The following ENOX2 variants were observed in gnomAD, a reference collection of about 807,000 sequenced individuals.
ENOX2 encodes the protein APK1 antigen.
In ENOX2, 36 loss-of-function variants were observed where a neutral mutation model predicts 45.0. The observed-to-expected ratio is 0.80, with a 90% confidence interval of 0.61 to 1.06. The LOEUF is 1.06. Ranked by LOEUF, ENOX2 falls within the 50% of genes least tolerant of loss-of-function variation. The pLI is 0.00. For synonymous variants in ENOX2, 174 were observed against 152.3 expected (o/e 1.14, Z -1.05); for missense variants, 423 against 462.5 (o/e 0.91, Z 0.78).
chrX:130,903,101 G>T lies in ENOX2; in HGVS notation c.-283C>A, dbSNP rs1426640718. 8.9e-6 allele frequency: 1 copy of T among 112,521 alleles called. No homozygotes were observed. 9.3% of individuals were successfully genotyped at this position (112,521 alleles called of 1,213,427 possible). A position where few individuals can be genotyped will look rare whatever the true frequency, so the allele number is the denominator to read the frequency against. ...AGTCCTTATACAGCCGCGGAAAATC[G>T]GGCCGGCGCGGCAGTTCCTGGGCTC... On this transcript the variant is annotated 5_prime_UTR_variant, in exon 1 of 15. Coordinates refer to ENST00000394363, the MANE Select transcript of ENOX2 (RefSeq NM_006375.4).
chrX:130,641,718 CAAAAAAAAA>C (rs753792308), intron 10 of ENOX2, among the ~76,000 whole-genome samples: 1 of 34,717 alleles, frequency 2.9e-5, no homozygotes, highest in African/African-American at 1.2e-4. Context: ...ACTCCATCTC[CAAAAAAAAA>C]AAAAAAAAAA....
At position 130,785,359 on chromosome X, in the gene ENOX2, A is replaced by G. The variant is rs939484720; in HGVS notation, c.-182-1669T>C. Among the ~76,000 whole-genome samples, 111 of 110,115 alleles carry G rather than the reference A, an allele frequency of 1.0e-3. 2 individuals carry two copies. Among genetic ancestry groups the G allele is most frequent in the Non-Finnish European group, 2.1e-4 (11 of 52,728 alleles). ...AAAAAAAAAGAAATGACATTAAATT[A>G]TTATTTATAATAAAGAGTATCCTCT... On this transcript the variant is annotated intron_variant, in intron 2 of 14. Coordinates refer to ENST00000394363, the MANE Select transcript of ENOX2 (RefSeq NM_006375.4).
chrX:130,780,819 T>G (rs73555131), intron 3 of ENOX2, among the ~76,000 whole-genome samples: 2,344 of 111,034 alleles, frequency 0.021, 65 homozygotes, highest in African/African-American at 0.074. Context: ...CAAATATCCC[T>G]CCCTCGTTTG....
chrX:130,674,752 A>C (rs1171490871), intron 6 of ENOX2, among the ~76,000 whole-genome samples: 3 of 101,930 alleles, frequency 2.9e-5, no homozygotes, highest in Non-Finnish European at 6.0e-5. Context: ...ATATCTCCTA[A>C]TGCTATCCCT....
At chrX:130,690,596 GACTTACTCCCAA>G (rs1389873403) in intron 4 of ENOX2, among the ~76,000 whole-genome samples, 1 of 112,195 alleles carries the variant, frequency 8.9e-6, no homozygotes, top group South Asian at 3.7e-4. Context: ...GCAGTAGCAG[GACTTACTCCCAA>G]AGACTTCACC....
chrX:130,867,105 A>G (rs1452371990), intron 2 of ENOX2, among the ~76,000 whole-genome samples: 3 of 111,903 alleles, frequency 2.7e-5, no homozygotes, highest in Non-Finnish European at 5.6e-5. Flanking sequence ...ATTTTCTAAA[A>G]CAAATTAAAA....
In ENOX2 at chrX:130,631,463, C is replaced by T. The variant is rs774753321; in HGVS notation, c.1528+5G>A. 9.1e-7 allele frequency: 1 copy of T among 1,098,843 alleles called. No homozygotes were observed. The highest frequency in any genetic ancestry group is 1.8e-5 in the African/African-American group (1 of 54,985). The allele number at this position is 1,098,843 out of a possible 1,213,427, so 90.6% of individuals were successfully genotyped here. A position where few individuals can be genotyped will look rare whatever the true frequency, so the allele number is the denominator to read the frequency against. Reference sequence around the variant, plus strand: ...TACGTGGCATGTGTGCATTAGCTTCCTTACCCACTAGCAGTGCTTCACGTT... The same window carrying T: ...TACGTGGCATGTGTGCATTAGCTTCTTTACCCACTAGCAGTGCTTCACGTT... On this transcript the variant is annotated splice_donor_5th_base_variant and intron_variant, in intron 13 of 14. Coordinates refer to ENST00000394363, the MANE Select transcript of ENOX2 (RefSeq NM_006375.4).
chrX:130,762,941 T>C, intron 3 of ENOX2, among the ~76,000 whole-genome samples: 1 of 111,730 alleles, frequency 9.0e-6, no homozygotes, highest in Non-Finnish European at 1.9e-5. Flanking sequence ...TTAACTATAG[T>C]TATGGATTTG....
intron 3 of ENOX2, among the ~76,000 whole-genome samples, chrX:130,748,368 T>C (rs939892221): frequency 8.9e-6 from 1 of 112,147 alleles, no homozygotes; most frequent in Non-Finnish European, 1.9e-5. Context: ...GTAATACAGG[T>C]TACACAGAGC....
chrX:130,746,649 A>G (rs1257336157), intron 3 of ENOX2, among the ~76,000 whole-genome samples: 1 of 112,146 alleles, frequency 8.9e-6, no homozygotes, highest in Non-Finnish European at 1.9e-5. Flanking sequence ...CCCTACCACA[A>G]AGGAAAGCAG....
chrX:130,862,574 TGTGA>T (rs1379999744), intron 2 of ENOX2, among the ~76,000 whole-genome samples: 3 of 109,795 alleles, frequency 2.7e-5, no homozygotes, highest in Non-Finnish European at 5.7e-5. Context: ...TGAGTATGTG[TGTGA>T]GAGGGGTGGG....
chrX:130,786,493 G>A (rs1447385424), intron 2 of ENOX2, among the ~76,000 whole-genome samples: 4 of 96,417 alleles, frequency 4.1e-5, no homozygotes, highest in African/African-American at 7.6e-5. Context: ...ATGCTGGTGC[G>A]CTGCACCCAC....
intron 10 of ENOX2, chrX:130,646,279 A>G: frequency 2.6e-6 from 1 of 387,047 alleles, no homozygotes; most frequent in South Asian, 3.2e-5. Flanking sequence ...CTGGGACCCC[A>G]TAGCAAAGTA....
chrX:130,647,937 C>A (rs1348148399), intron 10 of ENOX2, among the ~76,000 whole-genome samples: 1 of 111,419 alleles, frequency 9.0e-6, no homozygotes, highest in Non-Finnish European at 1.9e-5. Context: ...AATATTAGAT[C>A]TCAAGAAATC....
At chrX:130,640,065 T>C (rs1441922057) in intron 10 of ENOX2, among the ~76,000 whole-genome samples, 1 of 112,140 alleles carries the variant, frequency 8.9e-6, no homozygotes, top group African/African-American at 3.2e-5. Context: ...AACTTCTACC[T>C]GTGTCCTCAC....
At chrX:130,894,519 T>C (rs2079030501) in intron 2 of ENOX2, among the ~76,000 whole-genome samples, 1 of 109,884 alleles carries the variant, frequency 9.1e-6, no homozygotes, top group African/African-American at 3.3e-5. Flanking sequence ...GTTATTTTAA[T>C]ATTCTTTATA....
intron 2 of ENOX2, among the ~76,000 whole-genome samples, chrX:130,824,850 T>C (rs74660118): frequency 1.5e-4 from 17 of 111,260 alleles, no homozygotes; most frequent in Non-Finnish European, 3.0e-4. Context: ...ACCTATGAAA[T>C]TGATGAAATA....
At chrX:130,630,992 C>CAAAG (rs1329727530) in intron 13 of ENOX2, among the ~76,000 whole-genome samples, 1 of 110,497 alleles carries the variant, frequency 9.1e-6, no homozygotes, top group Non-Finnish European at 1.9e-5. Flanking sequence ...AACAAACAAA[C>CAAAG]AAACAATCCC....
At chrX:130,637,173 A>T in intron 11 of ENOX2, 56 bp downstream of exon 11, 1 of 990,044 alleles carries the variant, frequency 1.0e-6, no homozygotes, top group Non-Finnish European at 1.4e-6. Flanking sequence ...ACCCTTTTAT[A>T]GGTGAGAAGC....
Sources: allele counts gnomAD v4.1 joint callset (sites outside exome capture counted in the v4.1 genomes callset), GRCh38; gene constraint gnomAD v4.1.1; transcripts MANE v1.5; gene names NCBI Gene and HGNC (gene_info 2026-07-23, HGNC 2026-07-21).